The following PDE6C variants were observed in gnomAD, a reference collection of about 807,000 sequenced individuals.
PDE6C encodes the protein phosphodiesterase 6C, also known as cone cGMP-specific 3',5'-cyclic phosphodiesterase subunit alpha'.
Under a neutral mutation model 113.1 loss-of-function variants are expected in PDE6C, and 75 were observed. The observed-to-expected ratio is 0.66, with a 90% CI of 0.55 to 0.80. The LOEUF (loss-of-function observed/expected upper bound fraction) is 0.80, where lower values mean the gene tolerates loss of function less well. Among genes scored for constraint, PDE6C ranks in the 30% least tolerant of loss-of-function variants. The probability of loss-of-function intolerance (pLI) is 0.00; values close to 1 mark genes in which losing one functional copy is unlikely to be tolerated. For missense variants in PDE6C, 912 were observed against 1,038.6 expected, an observed-to-expected ratio of 0.88 and a Z score of 1.67; for synonymous variants, 375 against 363.7, an observed-to-expected ratio of 1.03 and a Z score of -0.35.
At chr10:93,639,515 CTCAT>C (rs2058549093) in intron 11 of PDE6C, among the ~76,000 whole-genome samples, 1 of 152,180 alleles carries the variant, frequency 6.6e-6, no homozygotes, top group South Asian at 2.1e-4. Flanking sequence ...TATCCATCCA[CTCAT>C]TCATTCAACA....
intron 18 of PDE6C, among the ~76,000 whole-genome samples, chr10:93,659,689 C>CG (rs1289442217): frequency 1.3e-5 from 2 of 152,152 alleles, no homozygotes; most frequent in African/African-American, 4.8e-5. Flanking sequence ...TAGAACAGCA[C>CG]GGGAAAGATT....
chr10:93,615,333 T>A (rs946187622), intron 1 of PDE6C, among the ~76,000 whole-genome samples: 2 of 152,206 alleles, frequency 1.3e-5, no homozygotes, highest in South Asian at 2.1e-4. Flanking sequence ...GTGGCTTTAT[T>A]GTTACAGCGG....
rs537271521 is a variant in PDE6C at position 93,648,369 on chromosome 10, C to T, written c.1935+2322C>T. Among the ~76,000 whole-genome samples the T allele has an allele frequency of 8.5e-5, 13 of 152,290 alleles. No individual in the cohort carries two copies. In the South Asian group the frequency reaches 2.7e-3, roughly 32 times the overall value. ...ATAGAGTCGCTAGGCAATGCAGTCACACAGAGCCTGTTTATGAGCAGTCAA... is the reference window on the plus strand; with the variant it reads ...ATAGAGTCGCTAGGCAATGCAGTCATACAGAGCCTGTTTATGAGCAGTCAA... On this transcript the variant is annotated intron_variant, in intron 15 of 21. Transcript: ENST00000371447.
At chr10:93,625,106 T>G (rs984605180) in intron 4 of PDE6C, among the ~76,000 whole-genome samples, 8 of 152,148 alleles carry the variant, frequency 5.3e-5, no homozygotes, top group Non-Finnish European at 1.0e-4. Context: ...TGGGCTGTGG[T>G]CTGATGGAAA....
intron 8 of PDE6C, among the ~76,000 whole-genome samples, chr10:93,631,967 T>C (rs917134731): frequency 6.6e-6 from 1 of 152,218 alleles, no homozygotes; most frequent in Non-Finnish European, 1.5e-5. Flanking sequence ...ATGAGTCTTC[T>C]TGGGCTAAAA....
intron 1 of PDE6C, among the ~76,000 whole-genome samples, chr10:93,618,404 T>A (rs562217808): frequency 1.4e-4 from 21 of 152,028 alleles, no homozygotes; most frequent in Non-Finnish European, 2.8e-4. Flanking sequence ...ACACAGAAGG[T>A]AAGTAACACG....
At chr10:93,655,610 C>CAAAAAAAAAAAAAAAAAAAAGAAGGAA in intron 15 of PDE6C, 150 bp from the exon 16 acceptor site, 1 of 265,130 alleles carries the variant, frequency 3.8e-6, no homozygotes, top group Non-Finnish European at 6.6e-6. Flanking sequence ...AAAAGCAAGC[C>CAAAAAAAAAAAAAAAAAAAAGAAGGAA]AAAAAAAAAA....
At chr10:93,614,004 T>C (rs1450192289) in intron 1 of PDE6C, among the ~76,000 whole-genome samples, 1 of 152,148 alleles carries the variant, frequency 6.6e-6, no homozygotes, top group African/African-American at 2.4e-5. Flanking sequence ...AATTATAAGA[T>C]ACAAATAAAC....
intron 10 of PDE6C, among the ~76,000 whole-genome samples, chr10:93,636,373 T>TGTGTGC (rs997108901): frequency 2.8e-5 from 4 of 140,890 alleles, no homozygotes; most frequent in Non-Finnish European, 6.0e-5. Context: ...TGGCTTTGTG[T>TGTGTGC]GTGTGTGTGT....
At chr10:93,651,259 C>T (rs2058608734) in intron 15 of PDE6C, among the ~76,000 whole-genome samples, 1 of 152,152 alleles carries the variant, frequency 6.6e-6, no homozygotes, top group African/African-American at 2.4e-5. Flanking sequence ...CATTCTCTCA[C>T]CAATTCTAAG....
At chr10:93,655,106 G>A (rs532351353) in intron 15 of PDE6C, among the ~76,000 whole-genome samples, 78 of 151,972 alleles carry the variant, frequency 5.1e-4, no homozygotes, top group Admixed American at 4.2e-3. Flanking sequence ...CACCATGCTC[G>A]GCCTATATTC....
rs1276190535 is a variant in PDE6C, at chr10:93,658,964, C to T, written c.2100C>T (p.Ala700=). The change falls in exon 17 of 22, where the codon GCC becomes GCT. Residue 700 remains alanine (A), a synonymous_variant. Transcript: ENST00000371447. ...AACAAATGCAAACGGAAGAAGAAGC[C>T]ATCAAATATGTAACTGTTGATCCAA... ...ACEQMQTEEE[A]IKYVTVDPTK... is the part of the protein sequence containing the mutation. 1 of 1,612,578 alleles carries T rather than the reference C, an allele frequency of 6.2e-7. No homozygotes were observed. Among genetic ancestry groups the T allele is most frequent in the Non-Finnish European group, 8.5e-7 (1 of 1,178,786 alleles).
At chr10:93,647,399 A>G (rs565847070) in intron 15 of PDE6C, among the ~76,000 whole-genome samples, 64 of 152,334 alleles carry the variant, frequency 4.2e-4, no homozygotes, top group Non-Finnish European at 7.5e-4. Context: ...ATGAAAATCC[A>G]AGATGGTCCT....
intron 8 of PDE6C, among the ~76,000 whole-genome samples, chr10:93,630,925 A>G (rs1367231625): frequency 6.6e-6 from 1 of 152,150 alleles, no homozygotes; most frequent in Non-Finnish European, 1.5e-5. Context: ...CCTGACCCCT[A>G]TATTTATGGC....
chr10:93,616,027 G>A (rs550287244), intron 1 of PDE6C, among the ~76,000 whole-genome samples: 1 of 152,274 alleles, frequency 6.6e-6, no homozygotes, highest in East Asian at 1.9e-4. Flanking sequence ...GATTTGCAAC[G>A]GGAAAGGAAG....
intron 15 of PDE6C, among the ~76,000 whole-genome samples, chr10:93,646,323 C>T (rs1057140176): frequency 9.9e-5 from 15 of 152,142 alleles, no homozygotes; most frequent in Middle Eastern, 7.0e-3. Flanking sequence ...AAAAGGGCTC[C>T]GTGCACCCCA....
intron 1 of PDE6C, among the ~76,000 whole-genome samples, chr10:93,616,652 C>CT (rs11418985): frequency 0.55 from 64,999 of 118,378 alleles, 19,433 homozygotes; most frequent in African/African-American, 0.61. Flanking sequence ...GGCAGGAAGA[C>CT]TTTTTTTTTT....
At chr10:93,633,167 T>C (rs373965071) in intron 8 of PDE6C, among the ~76,000 whole-genome samples, 2 of 152,150 alleles carry the variant, frequency 1.3e-5, no homozygotes, top group South Asian at 2.1e-4. Context: ...GGGAAGCTTA[T>C]TGAAGATGCA....
intron 18 of PDE6C, among the ~76,000 whole-genome samples, chr10:93,661,642 C>T (rs2058666417): frequency 6.6e-6 from 1 of 152,164 alleles, no homozygotes; most frequent in Non-Finnish European, 1.5e-5. Flanking sequence ...AATATCCTCA[C>T]ACTGTAATTA....
Sources: gnomAD v4.1 joint callset for allele counts (sites outside exome capture counted in the v4.1 genomes callset) on GRCh38, gnomAD v4.1.1 for gene constraint, MANE v1.5 for transcripts, NCBI Gene and HGNC (gene_info 2026-07-23, HGNC 2026-07-21) for gene names.